The following DNAH3 variants were observed in gnomAD, a reference collection of about 807,000 sequenced individuals.
The protein encoded by DNAH3 is dynein axonemal heavy chain 3, also known as axonemal beta dynein heavy chain 3.
A neutral mutation model predicts 432.5 loss-of-function variants in DNAH3; 332 were observed. The observed-to-expected ratio is 0.77, with a 90% CI of 0.70 to 0.84. DNAH3 has a LOEUF of 0.84. Among genes scored for constraint, DNAH3 ranks in the 40% least tolerant of loss-of-function variants. The pLI is 0.00. For missense variants in DNAH3, 4,861 were observed against 5,114.0 expected, an observed-to-expected ratio of 0.95 and a Z score of 1.51; for synonymous variants, 1,956 against 1,900.2, an observed-to-expected ratio of 1.03 and a Z score of -0.76.
At chr16:21,062,562 T>G in exon 25 of DNAH3, 1 of 1,614,176 alleles carries the variant, frequency 6.2e-7, no homozygotes, top group Non-Finnish European at 8.5e-7. Context: ...ATTTCCAGAT[T>G]GTCTGTAAAC....
chr16:20,982,999 G>T (rs1442765766), intron 48 of DNAH3, 113 bp from the exon 49 acceptor site: 1 of 1,117,960 alleles, frequency 8.9e-7, no homozygotes, highest in African/African-American at 1.5e-5. Context: ...GCTTCCTCCT[G>T]GCGCTCCAGG....
intron 43 of DNAH3, 44 bp from the exon 44 acceptor site, chr16:20,997,506 ATCT>A (rs1170811418): frequency 6.3e-7 from 1 of 1,599,812 alleles, no homozygotes; most frequent in Non-Finnish European, 8.5e-7. Flanking sequence ...AGTTCATGGC[ATCT>A]TCTGCTCTTA....
intron 9 of DNAH3, among the ~76,000 whole-genome samples, chr16:21,123,236 A>G (rs1289838488): frequency 6.6e-6 from 1 of 151,764 alleles, no homozygotes; most frequent in Non-Finnish European, 1.5e-5. Context: ...GCTATTTCCA[A>G]TTCCCTACAA....
chr16:21,140,424 T>G, intron 5 of DNAH3, 112 bp downstream of exon 6: 1 of 1,171,156 alleles, frequency 8.5e-7, no homozygotes, highest in Admixed American at 2.1e-5. Flanking sequence ...TAGACTTTGG[T>G]GTTTTTCAAA....
At chr16:20,972,122 G>A (rs968381648) in intron 51 of DNAH3, among the ~76,000 whole-genome samples, 3 of 152,202 alleles carry the variant, frequency 2.0e-5, no homozygotes, top group Admixed American at 1.3e-4. Flanking sequence ...ATTTAATACC[G>A]AAGATGAGTG....
intron 16 of DNAH3, among the ~76,000 whole-genome samples, chr16:21,101,658 C>T (rs1315909753): frequency 3.3e-5 from 5 of 152,182 alleles, no homozygotes; most frequent in African/African-American, 1.2e-4. Context: ...CACCCAGAGA[C>T]TAGCATCAGA....
intron 6 of DNAH3, 61 bp downstream of exon 7, chr16:21,136,262 TA>T: frequency 1.3e-6 from 2 of 1,483,438 alleles, no homozygotes; most frequent in Non-Finnish European, 1.9e-6. Flanking sequence ...AAAATAAAAA[TA>T]AAAAAGAAGG....
intron 43 of DNAH3, among the ~76,000 whole-genome samples, chr16:20,999,601 C>T (rs1167071305): frequency 6.6e-6 from 1 of 152,182 alleles, no homozygotes; most frequent in East Asian, 1.9e-4. Context: ...GTCTGGGTCA[C>T]AGCTCCAGAA....
At chr16:21,145,216 G>A in exon 3 of DNAH3, 4 of 1,612,718 alleles carry the variant, frequency 2.5e-6, no homozygotes, top group Non-Finnish European at 3.4e-6. Flanking sequence ...CCTGTCCCTA[G>A]GGACACTGAT....
intron 53 of DNAH3, among the ~76,000 whole-genome samples, chr16:20,961,719 C>T (rs1342807021): frequency 6.8e-6 from 1 of 147,386 alleles, no homozygotes; most frequent in Non-Finnish European, 1.5e-5. Flanking sequence ...AGCTTGATTT[C>T]AAACTTTCTT....
chr16:20,969,086 CTGTGTGTGTGTG>C (rs56928155), intron 52 of DNAH3, among the ~76,000 whole-genome samples: 159 of 146,464 alleles, frequency 1.1e-3, no homozygotes, highest in Admixed American at 3.9e-3. Context: ...TTTTCTTTCT[CTGTGTGTGTGTG>C]TGTGTGTGTG....
At chr16:21,144,530 C>T (rs538769082) in intron 3 of DNAH3, among the ~76,000 whole-genome samples, 4 of 152,236 alleles carry the variant, frequency 2.6e-5, no homozygotes, top group East Asian at 1.9e-4. Flanking sequence ...CTTGATTGTA[C>T]GCTAGTGAGG....
chr16:21,138,234 C>T (rs1185874314), intron 5 of DNAH3, among the ~76,000 whole-genome samples: 1 of 150,790 alleles, frequency 6.6e-6, no homozygotes, highest in African/African-American at 2.4e-5. Context: ...GGTGACAGAG[C>T]GAGATTCTGT....
chr16:21,132,238 C>T (rs577463810), intron 7 of DNAH3, among the ~76,000 whole-genome samples: 13 of 152,214 alleles, frequency 8.5e-5, no homozygotes, highest in Non-Finnish European at 1.8e-4. Context: ...AGCCACAGGG[C>T]TCCCTTAAGA....
At chr16:21,060,707 A>G (rs1287729980) in intron 25 of DNAH3, among the ~76,000 whole-genome samples, 1 of 149,892 alleles carries the variant, frequency 6.7e-6, no homozygotes, top group East Asian at 2.0e-4. Flanking sequence ...TTGTATTTTT[A>G]GTAGAGACGG....
At chr16:21,140,544 C>G (rs1567862430) in exon 5 of DNAH3, 1 of 1,613,958 alleles carries the variant, frequency 6.2e-7, no homozygotes, top group Admixed American at 1.7e-5. Flanking sequence ...ACCTCCAGGT[C>G]CGATTCAGAT....
At chr16:21,005,699 G>A (rs905316389) in intron 41 of DNAH3, among the ~76,000 whole-genome samples, 3 of 151,060 alleles carry the variant, frequency 2.0e-5, no homozygotes, top group African/African-American at 4.9e-5. Context: ...TTTTTTCCAA[G>A]AAGGGGCTTA....
intron 47 of DNAH3, among the ~76,000 whole-genome samples, chr16:20,986,503 C>A (rs754514355): frequency 7.2e-5 from 11 of 151,790 alleles, no homozygotes; most frequent in East Asian, 1.9e-4. Flanking sequence ...TGAGGTCCTA[C>A]CTCTAAAAAT....
At position 20,987,684 on chromosome 16, in the gene DNAH3, G is replaced by A. The variant is rs1394081340; in HGVS notation, c.6882+9C>T. ...GAATGATCTTGGTAGTAAAATGATA[G>A]TGGCTGACCTGCAGGTGTGTGTGAG... On this transcript the variant is annotated intron_variant, in intron 46 of 61. Coordinates refer to ENST00000261383, the Ensembl canonical transcript of DNAH3. The A allele has an allele frequency of 2.5e-6, 4 of 1,611,470 alleles. No individual in the cohort carries two copies. Among genetic ancestry groups the A allele is most frequent in the Non-Finnish European group, 3.4e-6 (4 of 1,177,932 alleles).
Sources: allele counts gnomAD v4.1 joint callset (sites outside exome capture counted in the v4.1 genomes callset), GRCh38; gene constraint gnomAD v4.1.1; transcripts MANE v1.5; gene names NCBI Gene and HGNC (gene_info 2026-07-23, HGNC 2026-07-21).